VTI1A: variants seen among roughly 807,000 people sequenced by gnomAD.
VTI1A encodes the protein vesicle transport through interaction with t-SNAREs 1A.
In VTI1A, 22 loss-of-function variants were observed where a neutral mutation model predicts 34.9. That is an observed-to-expected ratio of 0.63 (90% CI 0.45 to 0.90). The LOEUF is 0.90. VTI1A is among the 40% of genes least tolerant of loss of function. VTI1A has a pLI of 0.00. For synonymous variants in VTI1A, 87 were observed against 97.3 expected (o/e 0.89, Z 0.62); for missense variants, 268 against 275.6 (o/e 0.97, Z 0.20).
intron 7 of VTI1A, among the ~76,000 whole-genome samples, chr10:112,700,078 A>G (rs967779812): frequency 2.6e-4 from 38 of 148,412 alleles, no homozygotes; most frequent in Admixed American, 8.9e-4. Flanking sequence ...AGATCGTGCT[A>G]CTGCACTCCA....
At chr10:112,508,581 C>T (rs1849508617) in intron 3 of VTI1A, among the ~76,000 whole-genome samples, 1 of 152,116 alleles carries the variant, frequency 6.6e-6, no homozygotes. Context: ...ATATGACAAC[C>T]AAGTATGCAT....
At chr10:112,600,672 C>T (rs754153348) in intron 5 of VTI1A, among the ~76,000 whole-genome samples, 1 of 152,098 alleles carries the variant, frequency 6.6e-6, no homozygotes, top group Non-Finnish European at 1.5e-5. Context: ...CTTTTCTTCC[C>T]ACGAGAATGA....
intron 7 of VTI1A, among the ~76,000 whole-genome samples, chr10:112,690,506 T>C (rs540862810): frequency 6.6e-6 from 1 of 152,324 alleles, no homozygotes; most frequent in Non-Finnish European, 1.5e-5. Context: ...CTCATTTACA[T>C]TACCCACCTG....
chr10:112,804,197 T>C (rs996112735), intron 7 of VTI1A, among the ~76,000 whole-genome samples: 1 of 152,152 alleles, frequency 6.6e-6, no homozygotes, highest in African/African-American at 2.4e-5. Flanking sequence ...CTCCCCTCCC[T>C]TTTGATGTTT....
chr10:112,796,077 T>C (rs1852663257), intron 7 of VTI1A, among the ~76,000 whole-genome samples: 1 of 152,086 alleles, frequency 6.6e-6, no homozygotes, highest in African/African-American at 2.4e-5. Flanking sequence ...CCACTTGGAT[T>C]GCCAAGAAGC....
At chr10:112,572,834 G>T (rs6585161) in intron 5 of VTI1A, among the ~76,000 whole-genome samples, 44,801 of 126,324 alleles carry the variant, frequency 0.35, 7,372 homozygotes, top group East Asian at 0.71. Context: ...GCGAGACTCC[G>T]TCTCAACCAA....
chr10:112,760,786 G>A (rs964488807), intron 7 of VTI1A, among the ~76,000 whole-genome samples: 6 of 151,696 alleles, frequency 4.0e-5, no homozygotes, highest in African/African-American at 1.5e-4. Flanking sequence ...GTACCGGGGA[G>A]GCTGAGGCAG....
chr10:112,489,357 C>G (rs941149349), intron 3 of VTI1A, among the ~76,000 whole-genome samples: 2 of 152,192 alleles, frequency 1.3e-5, no homozygotes, highest in South Asian at 2.1e-4. Flanking sequence ...TCTCATCCTA[C>G]TCTAAGTTGC....
chr10:112,455,881 T>C (rs1255589913), intron 1 of VTI1A, among the ~76,000 whole-genome samples: 1 of 152,136 alleles, frequency 6.6e-6, no homozygotes, highest in African/African-American at 2.4e-5. Context: ...TAATTATTTT[T>C]TTCGTGAAGG....
chr10:112,646,876 G>A (rs1846812038), intron 5 of VTI1A, among the ~76,000 whole-genome samples: 1 of 152,284 alleles, frequency 6.6e-6, no homozygotes, highest in Non-Finnish European at 1.5e-5. Context: ...CTTGTGCAAT[G>A]TGCTGTACTT....
the VTI1A span, among the ~76,000 whole-genome samples, chr10:112,847,977 C>T: frequency 6.6e-6 from 1 of 152,152 alleles, no homozygotes; most frequent in Non-Finnish European, 1.5e-5. Context: ...GGAAGAACCA[C>T]CCAGCTAAGC....
intron 3 of VTI1A, among the ~76,000 whole-genome samples, chr10:112,476,602 A>G (rs2134085885): frequency 6.6e-6 from 1 of 152,282 alleles, no homozygotes; most frequent in East Asian, 1.9e-4. Flanking sequence ...CCACATGTTC[A>G]TTGTCCTCTT....
intron 3 of VTI1A, among the ~76,000 whole-genome samples, chr10:112,498,146 A>G (rs1375171675): frequency 1.3e-5 from 2 of 152,124 alleles, no homozygotes; most frequent in East Asian, 3.8e-4. Flanking sequence ...AATGCACTTG[A>G]GTTCTTATTT....
intron 4 of VTI1A, among the ~76,000 whole-genome samples, chr10:112,537,656 G>C (rs1389571447): frequency 6.6e-6 from 1 of 152,060 alleles, no homozygotes; most frequent in African/African-American, 2.4e-5. Context: ...TATGTAAATG[G>C]AGAAACATGT....
At chr10:112,731,417 AC>A (rs1850253433) in intron 7 of VTI1A, among the ~76,000 whole-genome samples, 1 of 152,070 alleles carries the variant, frequency 6.6e-6, no homozygotes, top group South Asian at 2.1e-4. Flanking sequence ...TACTAAAAAT[AC>A]AAAAAAATTA....
At chr10:112,840,588 G>A in the VTI1A span, among the ~76,000 whole-genome samples, 1 of 152,208 alleles carries the variant, frequency 6.6e-6, no homozygotes, top group African/African-American at 2.4e-5. Context: ...TGCTTAGTGA[G>A]GTTCTGTCCC....
At chr10:112,492,922 A>G (rs1848882466) in intron 3 of VTI1A, among the ~76,000 whole-genome samples, 1 of 152,200 alleles carries the variant, frequency 6.6e-6, no homozygotes, top group South Asian at 2.1e-4. Flanking sequence ...GACACTTCTT[A>G]GAGGCTCCCT....
At chr10:112,447,119 T>G (rs1589768361), upstream of VTI1A, 1 of 505,368 alleles carries the variant, frequency 2.0e-6, no homozygotes. Context: ...AGGCACTAAT[T>G]GGGGCGCTTT....
rs1222510698 is a variant in VTI1A, at chr10:112,657,239, G to GA, written c.428-10979_428-10978insA. Among the ~76,000 whole-genome samples, 7 of 152,312 alleles carry GA rather than the reference G, an allele frequency of 4.6e-5. No individual in the cohort carries two copies. In the East Asian group the frequency reaches 1.2e-3, roughly 25 times the overall value. On this transcript the variant is annotated intron_variant, in intron 5 of 7. Transcript: ENST00000393077. ...TCAGCTCAAATATAGCAGCATGTAT[G>GA]TGTAAGGCCTGTTCTCTTCCTGTAT...
Sources: allele counts gnomAD v4.1 joint callset (sites outside exome capture counted in the v4.1 genomes callset), GRCh38; gene constraint gnomAD v4.1.1; transcripts MANE v1.5; gene names NCBI Gene and HGNC (gene_info 2026-07-23, HGNC 2026-07-21).